The following CA10 variants were observed in gnomAD, a reference collection of about 807,000 sequenced individuals.
CA10 encodes carbonic anhydrase 10 (inactive).
A neutral mutation model predicts 44.2 loss-of-function variants in CA10; 14 were observed. The observed-to-expected ratio is 0.32, with a 90% confidence interval of 0.21 to 0.50. CA10 has a LOEUF of 0.50. Among genes scored for constraint, CA10 ranks in the 20% least tolerant of loss-of-function variants. The pLI, the probability that CA10 is intolerant of heterozygous loss-of-function variation, is 0.99. For missense variants in CA10, 350 were observed against 409.7 expected (o/e 0.85, Z 1.26); for synonymous variants, 159 against 141.6 (o/e 1.12, Z -0.87).
At chr17:51,744,007 C>T (rs943351529) in intron 4 of CA10, among the ~76,000 whole-genome samples, 1 of 152,124 alleles carries the variant, frequency 6.6e-6, no homozygotes, top group African/African-American at 2.4e-5. Context: ...CAGTAGAATA[C>T]AATTGAAGGA....
rs1013103684 is a variant in CA10, at chr17:51,716,140, A to G, written c.465+31493T>C. Among the ~76,000 whole-genome samples the G allele has an allele frequency of 2.0e-5, 3 of 152,124 alleles. No individual in the cohort carries two copies. In the South Asian group the frequency reaches 6.2e-4, roughly 32 times the overall value. The stretch of plus-strand genomic sequence containing the variant: ...GTTTTCCTAAATCAATAACTACTAT[A>G]CAAAACGCTGTGAAAATGGCTACTA... On this transcript the variant is annotated intron_variant, in intron 4 of 8. Coordinates refer to ENST00000451037, the MANE Select transcript of CA10 (RefSeq NM_020178.5).
intron 2 of CA10, among the ~76,000 whole-genome samples, chr17:51,938,011 C>T (rs1369438252): frequency 6.6e-6 from 1 of 152,044 alleles, no homozygotes; most frequent in Non-Finnish European, 1.5e-5. Context: ...AAATTTAAGC[C>T]ACTGCATCTT....
At chr17:51,702,558 G>T (rs776397270) in intron 4 of CA10, among the ~76,000 whole-genome samples, 7 of 152,236 alleles carry the variant, frequency 4.6e-5, no homozygotes, top group Non-Finnish European at 1.0e-4. Flanking sequence ...GGTGCTGTGT[G>T]ATGGTGGCTT....
At chr17:51,894,694 G>T (rs1980996961) in intron 3 of CA10, among the ~76,000 whole-genome samples, 1 of 152,052 alleles carries the variant, frequency 6.6e-6, no homozygotes, top group Non-Finnish European at 1.5e-5. Flanking sequence ...ATCCATTTCA[G>T]ATTCTGACCT....
chr17:51,716,525 C>A (rs1195782395), intron 4 of CA10, among the ~76,000 whole-genome samples: 1 of 152,140 alleles, frequency 6.6e-6, no homozygotes, highest in Non-Finnish European at 1.5e-5. Context: ...ACTTCTCTGT[C>A]CCCTCCTGGT....
At chr17:51,999,203 C>T (rs1322980679) in intron 2 of CA10, among the ~76,000 whole-genome samples, 2 of 152,004 alleles carry the variant, frequency 1.3e-5, no homozygotes, top group Non-Finnish European at 2.9e-5. Context: ...TGTGCAATCA[C>T]TCCATGAGGA....
chr17:51,696,911 A>G (rs1915421880), intron 4 of CA10, among the ~76,000 whole-genome samples: 1 of 152,202 alleles, frequency 6.6e-6, no homozygotes, highest in Non-Finnish European at 1.5e-5. Context: ...ATTCTTCTGC[A>G]CAGCAAAGAA....
intron 2 of CA10, among the ~76,000 whole-genome samples, chr17:52,014,530 T>C (rs1482677703): frequency 6.6e-6 from 1 of 151,984 alleles, no homozygotes; most frequent in Non-Finnish European, 1.5e-5. Flanking sequence ...GAGAGAAGTA[T>C]AATATTTTTA....
intron 4 of CA10, among the ~76,000 whole-genome samples, chr17:51,681,860 C>T (rs1477273391): frequency 1.3e-5 from 2 of 152,268 alleles, no homozygotes; most frequent in African/African-American, 4.8e-5. Context: ...GTCTATAAGT[C>T]CATACTCTAG....
Position 51,833,413 on chromosome 17 carries a change from C to T in CA10, c.280-85595G>A, listed in dbSNP as rs148423398. 1.9e-4 allele frequency among the ~76,000 whole-genome samples: 29 copies of T among 152,314 alleles called. 1 individual carries two copies. In the East Asian group the frequency reaches 5.2e-3, roughly 27 times the overall value. ...TACCCTCAGGATTATTCCTCTTGTT[C>T]TCCCAACTTCTAGCCAGCTGATTAA... On this transcript the variant is annotated intron_variant, in intron 3 of 8. Coordinates refer to ENST00000451037, the MANE Select transcript of CA10 (RefSeq NM_020178.5).
chr17:51,849,907 AT>A (rs1978714245), intron 3 of CA10, among the ~76,000 whole-genome samples: 1 of 152,196 alleles, frequency 6.6e-6, no homozygotes. Flanking sequence ...GATGTGAATA[AT>A]TCAAGTCCAT....
At chr17:51,783,683 G>A (rs559535570) in intron 3 of CA10, among the ~76,000 whole-genome samples, 22 of 152,138 alleles carry the variant, frequency 1.4e-4, no homozygotes, top group Admixed American at 5.2e-4. Flanking sequence ...TGAGGTGAAG[G>A]TCTGGTTGGT....
At chr17:52,075,825 T>C (rs776831384) in intron 1 of CA10, among the ~76,000 whole-genome samples, 5 of 152,166 alleles carry the variant, frequency 3.3e-5, no homozygotes, top group African/African-American at 4.8e-5. Flanking sequence ...CACTAGAGGA[T>C]AGCGCTTTGT....
intron 2 of CA10, among the ~76,000 whole-genome samples, chr17:52,028,396 C>G (rs1454101261): frequency 3.3e-5 from 5 of 152,194 alleles, no homozygotes; most frequent in African/African-American, 1.2e-4. Context: ...TTTCACAAAA[C>G]TATTCTAGTT....
chr17:51,901,737 G>T (rs1041821101), intron 3 of CA10, among the ~76,000 whole-genome samples: 4 of 152,090 alleles, frequency 2.6e-5, no homozygotes, highest in African/African-American at 9.7e-5. Context: ...GTACACCATG[G>T]TAATTTTAAT....
intron 1 of CA10, among the ~76,000 whole-genome samples, chr17:52,114,949 C>G (rs1289761809): frequency 6.6e-6 from 1 of 152,212 alleles, no homozygotes; most frequent in Non-Finnish European, 1.5e-5. Context: ...TGCTCTGCCA[C>G]TGATATATGC....
rs1284397986 is a variant in CA10 at position 51,877,385 on chromosome 17, A to G, written c.279+53605T>C. ...GACTCATTGTGAGCATTTATGTGACAAATGTGGGTAATGCATTTAACACAA... is the reference window on the plus strand; with the variant it reads ...GACTCATTGTGAGCATTTATGTGACGAATGTGGGTAATGCATTTAACACAA... On this transcript the variant is annotated intron_variant, in intron 3 of 8. Transcript: ENST00000451037. 2.0e-5 allele frequency among the ~76,000 whole-genome samples: 3 copies of G among 152,360 alleles called. No individual in the cohort carries two copies. The East Asian group carries it at 5.8e-4, about 29-fold the overall frequency.
At chr17:52,100,407 AAACAT>A (rs1988509744) in intron 1 of CA10, among the ~76,000 whole-genome samples, 1 of 151,610 alleles carries the variant, frequency 6.6e-6, no homozygotes, top group South Asian at 2.1e-4. Context: ...TTTGAGAAAA[AAACAT>A]AACCCATTCT....
At chr17:51,962,201 C>A (rs570728539) in intron 2 of CA10, among the ~76,000 whole-genome samples, 2 of 152,366 alleles carry the variant, frequency 1.3e-5, no homozygotes, top group East Asian at 3.9e-4. Flanking sequence ...GGCAGATAAC[C>A]AGGCATCTGG....
Sources: gnomAD v4.1 joint callset for allele counts (sites outside exome capture counted in the v4.1 genomes callset) on GRCh38, gnomAD v4.1.1 for gene constraint, MANE v1.5 for transcripts, NCBI Gene and HGNC (gene_info 2026-07-23, HGNC 2026-07-21) for gene names.